SCNN1B: variants seen among roughly 807,000 people sequenced by gnomAD.
SCNN1B encodes the protein epithelial sodium channel subunit beta.
Under a neutral mutation model 65.3 loss-of-function variants are expected in SCNN1B, and 46 were observed. The ratio of observed to expected loss-of-function variants is 0.70; its 90% CI spans 0.56 to 0.90. The LOEUF is 0.90. Ranked by LOEUF, SCNN1B falls within the 40% of genes least tolerant of loss-of-function variation. The probability of loss-of-function intolerance (pLI) is 0.00; values close to 1 mark genes in which losing one functional copy is unlikely to be tolerated. For missense variants in SCNN1B, 751 were observed against 830.5 expected (o/e 0.90, Z 1.18); for synonymous variants, 349 against 330.6 (o/e 1.06, Z -0.60).
At chr16:23,352,471 G>A (rs140279226) in intron 2 of SCNN1B, among the ~76,000 whole-genome samples, 38 of 152,308 alleles carry the variant, frequency 2.5e-4, no homozygotes, top group Middle Eastern at 6.8e-3. Flanking sequence ...TGCTGTGTTC[G>A]TGATAGTGAG....
At chr16:23,316,204 C>T (rs1371421386) in intron 1 of SCNN1B, among the ~76,000 whole-genome samples, 2 of 151,480 alleles carry the variant, frequency 1.3e-5, no homozygotes, top group African/African-American at 4.9e-5. Flanking sequence ...TCATCACCAT[C>T]ACCATCCTCA....
chr16:23,352,386 T>C (rs1404806150), intron 2 of SCNN1B, among the ~76,000 whole-genome samples: 1 of 152,168 alleles, frequency 6.6e-6, no homozygotes, highest in Non-Finnish European at 1.5e-5. Flanking sequence ...CCAAATATCA[T>C]ATTGAATTGT....
intron 1 of SCNN1B, among the ~76,000 whole-genome samples, chr16:23,325,010 C>A (rs1240059233): frequency 6.6e-6 from 1 of 152,198 alleles, no homozygotes; most frequent in East Asian, 1.9e-4. Context: ...CCCGGTGCAG[C>A]TGAGTGCTCT....
At chr16:23,360,014 C>T (rs954765142) in intron 4 of SCNN1B, among the ~76,000 whole-genome samples, 2 of 151,758 alleles carry the variant, frequency 1.3e-5, no homozygotes, top group South Asian at 2.1e-4. Flanking sequence ...ACCAGCCTGG[C>T]AAACATAGTG....
At chr16:23,325,887 TAATAAATAAATA>T (rs1555485521) in intron 1 of SCNN1B, among the ~76,000 whole-genome samples, 35 of 124,260 alleles carry the variant, frequency 2.8e-4, no homozygotes, top group South Asian at 1.0e-3. Flanking sequence ...ACCCTGTCTC[TAATAAATAAATA>T]AATAAATAAA....
chr16:23,326,831 C>T (rs959080929), intron 1 of SCNN1B, among the ~76,000 whole-genome samples: 1 of 152,000 alleles, frequency 6.6e-6, no homozygotes, highest in African/African-American at 2.4e-5. Context: ...GATATACTGC[C>T]TAGTGGTGAC....
rs34077572 is a variant in SCNN1B at position 23,367,814 on chromosome 16, C to T, written c.777-42C>T. The T allele has an allele frequency of 0.029, 42,302 of 1,480,736 alleles. 716 individuals carry two copies. Among genetic ancestry groups the T allele is most frequent in the Non-Finnish European group, 0.034 (35,809 of 1,058,438 alleles). The allele number at this position is 1,480,736 out of a possible 1,614,324, so 91.7% of individuals were successfully genotyped here. On this transcript the variant is annotated intron_variant, in intron 4 of 12. Transcript: ENST00000343070. The stretch of plus-strand genomic sequence containing the variant: ...GGCAGACAGTCGGGGGAGGCATTGC[C>T]TGTGGTGGAACCTGCCCTGCAGCTG...
chr16:23,348,976 C>T lies in SCNN1B; in HGVS notation c.311+66C>T, dbSNP rs906138890. The T allele has an allele frequency of 3.8e-6, 5 of 1,330,082 alleles. No individual in the cohort carries two copies. Among genetic ancestry groups the T allele is most frequent in the Non-Finnish European group, 5.4e-6 (5 of 923,720 alleles). 82.4% of individuals were successfully genotyped at this position (1,330,082 alleles called of 1,614,324 possible). ...GCGGTTCTCTTTCTCTCTTTTCTTC[C>T]CTTCTACCTTTCCTTTCCTTCCTTT... On this transcript the variant is annotated intron_variant, in intron 2 of 12. Transcript: ENST00000343070. This position sits in a 1 kb window ranked among gnomAD's most constrained non-coding sequence, Gnocchi z 4.5.
intron 1 of SCNN1B, among the ~76,000 whole-genome samples, chr16:23,303,141 T>C (rs1038232246): frequency 1.3e-5 from 2 of 152,192 alleles, no homozygotes; most frequent in Non-Finnish European, 2.9e-5. Flanking sequence ...TCATATGACT[T>C]AGGTGTGCTG....
intron 1 of SCNN1B, among the ~76,000 whole-genome samples, chr16:23,329,971 G>T (rs1961777045): frequency 6.6e-6 from 1 of 151,060 alleles, no homozygotes; most frequent in African/African-American, 2.4e-5. Context: ...AGGCTGCGGT[G>T]AATTGCGATT....
intron 2 of SCNN1B, among the ~76,000 whole-genome samples, chr16:23,286,822 T>C (rs1056852647): frequency 6.6e-6 from 1 of 152,162 alleles, no homozygotes; most frequent in Non-Finnish European, 1.5e-5. Flanking sequence ...TGATTACAAG[T>C]GGCTCACACA....
intron 5 of SCNN1B, among the ~76,000 whole-genome samples, chr16:23,370,893 T>C (rs748757140): frequency 1.3e-5 from 2 of 152,096 alleles, no homozygotes; most frequent in Admixed American, 6.5e-5. Flanking sequence ...GGAACAGCAT[T>C]CCAGAGTGAG....
intron 1 of SCNN1B, among the ~76,000 whole-genome samples, chr16:23,329,035 AGCGATCT>A (rs1272117592): frequency 1.3e-5 from 2 of 152,042 alleles, no homozygotes; most frequent in Admixed American, 6.6e-5. Flanking sequence ...CCTGGGCTCA[AGCGATCT>A]TCCAACCTCG....
intron 10 of SCNN1B, among the ~76,000 whole-genome samples, chr16:23,377,607 CTTCT>C (rs1215764125): frequency 7.9e-5 from 9 of 113,366 alleles, no homozygotes; most frequent in African/African-American, 1.8e-4. Context: ...TCCTTCCTTC[CTTCT>C]TTCTTCCTTC....
intron 3 of SCNN1B, among the ~76,000 whole-genome samples, chr16:23,353,639 G>A (rs1962358304): frequency 1.3e-5 from 2 of 152,222 alleles, no homozygotes; most frequent in Admixed American, 1.3e-4. Context: ...CTGGAGTTGG[G>A]AGTGATGTCA....
intron 2 of SCNN1B, among the ~76,000 whole-genome samples, chr16:23,349,699 T>G (rs1962267899): frequency 6.6e-6 from 1 of 151,946 alleles, no homozygotes. Context: ...AATACAACAG[T>G]TAACAAAACA....
chr16:23,380,766 G>A lies in SCNN1B; in HGVS notation c.1888G>A (p.Val630Ile), dbSNP rs72654357. 282 of 1,612,486 alleles carry A rather than the reference G, an allele frequency of 1.7e-4. No homozygotes were observed. In the African/African-American group the frequency reaches 2.3e-3, roughly 13 times the overall value. ...CTCCCTGCGTCTGCAGCCGCTGGAC[G>A]TCATCGAGTCTGACAGTGAGGGTGA... ...YDSLRLQPLD[V>I]IESDSEGDAI is the part of the protein sequence containing the mutation. The change falls in exon 13 of 13, where the codon GTC (valine) becomes ATC (isoleucine). Residue 630 changes from valine (V) to isoleucine (I), a missense_variant. Transcript: ENST00000343070. This position sits in a 1 kb window ranked among gnomAD's most constrained non-coding sequence, Gnocchi z 5.4.
chr16:23,303,694 T>A (rs1235483607), intron 1 of SCNN1B, among the ~76,000 whole-genome samples: 1 of 150,816 alleles, frequency 6.6e-6, no homozygotes, highest in Non-Finnish European at 1.5e-5. Context: ...GGAGGGCGGA[T>A]CACTTGAGGT....
chr16:23,348,117 G>A lies in SCNN1B; in HGVS notation c.-8-475G>A, dbSNP rs1962225871. 6.6e-6 allele frequency among the ~76,000 whole-genome samples: 1 copy of A among 152,142 alleles called. No homozygotes were observed. The highest frequency in any genetic ancestry group is 1.5e-5 in the Non-Finnish European group (1 of 68,024). On this transcript the variant is annotated intron_variant, in intron 1 of 12. Coordinates refer to ENST00000343070, the MANE Select transcript of SCNN1B (RefSeq NM_000336.3). The surrounding 1 kb of genome is among the most constrained non-coding windows in gnomAD (Gnocchi z 4.5). ...GGACCATGCAGACACATCATGGGGA[G>A]GACATGTAAACTCCATATAGACAGT...
Sources: gnomAD v4.1 joint callset for allele counts (sites outside exome capture counted in the v4.1 genomes callset) on GRCh38, gnomAD v4.1.1 for gene constraint, Gnocchi (gnomAD v3.1) non-coding constraint, MANE v1.5 for transcripts, NCBI Gene and HGNC (gene_info 2026-07-23, HGNC 2026-07-21) for gene names.